RTN4: variants seen among roughly 807,000 people sequenced by gnomAD.
RTN4 encodes the protein reticulon-4.
In RTN4, 32 loss-of-function variants were observed where a neutral mutation model predicts 90.4. The observed-to-expected ratio is 0.35, with a 90% CI of 0.27 to 0.48. The LOEUF is 0.48. Ranked by LOEUF, RTN4 falls within the 20% of genes least tolerant of loss-of-function variation. RTN4 has a pLI of 0.99. For synonymous variants in RTN4, 629 were observed against 552.5 expected, an observed-to-expected ratio of 1.14 and a Z score of -1.94; for missense variants, 1,706 against 1,430.2, an observed-to-expected ratio of 1.19 and a Z score of -3.11.
intron 3 of RTN4, among the ~76,000 whole-genome samples, chr2:55,001,640 C>T (rs1406883956): frequency 6.6e-6 from 1 of 152,182 alleles, no homozygotes; most frequent in African/African-American, 2.4e-5. Context: ...TTCCTATTAA[C>T]ATGAAATTCC....
At chr2:55,122,055 T>A in the RTN4 span, among the ~76,000 whole-genome samples, 2 of 152,000 alleles carry the variant, frequency 1.3e-5, no homozygotes, top group African/African-American at 2.4e-5. Context: ...TGGAGTGCAG[T>A]GGTGTAATCT....
At chr2:55,008,818 G>A (rs1021030741) in intron 3 of RTN4, among the ~76,000 whole-genome samples, 6 of 152,000 alleles carry the variant, frequency 3.9e-5, no homozygotes, top group African/African-American at 1.5e-4. Flanking sequence ...CTACTTTTAA[G>A]GCCTGTATTT....
intron 1 of RTN4, among the ~76,000 whole-genome samples, chr2:55,081,856 C>T (rs1234248176): frequency 1.0e-5 from 1 of 95,860 alleles, no homozygotes; most frequent in Non-Finnish European, 2.0e-5. Context: ...GAGCCAGACC[C>T]TGTCTCAAAA....
chr2:54,972,833 C>T lies in RTN4; in HGVS notation c.*323G>A, dbSNP rs1389943132. 1 of 204,550 alleles carries T rather than the reference C, an allele frequency of 4.9e-6. No homozygotes were observed. The highest frequency in any genetic ancestry group is 9.5e-6 in the Non-Finnish European group (1 of 105,068). 12.7% of individuals were successfully genotyped at this position (204,550 alleles called of 1,614,324 possible). A position where few individuals can be genotyped will look rare whatever the true frequency, so the allele number is the denominator to read the frequency against. On this transcript the variant is annotated 3_prime_UTR_variant, in exon 9 of 9. Coordinates refer to ENST00000337526, the MANE Select transcript of RTN4 (RefSeq NM_020532.5). ...TTTTCTAGCTCCACCATCTCTGCAACTTGCCAAGATGCGGCAAGACTATCT... is the reference window on the plus strand; with the variant it reads ...TTTTCTAGCTCCACCATCTCTGCAATTTGCCAAGATGCGGCAAGACTATCT...
chr2:55,105,912 C>T (rs564737736), intron 1 of RTN4, among the ~76,000 whole-genome samples: 3 of 152,184 alleles, frequency 2.0e-5, no homozygotes, highest in South Asian at 4.2e-4. Flanking sequence ...CCCAGGAGTT[C>T]GAGGCTACAG....
chr2:54,993,074 GGAA>G (rs745926622), intron 3 of RTN4, among the ~76,000 whole-genome samples: 26 of 79,002 alleles, frequency 3.3e-4, no homozygotes, highest in Admixed American at 7.7e-4. Flanking sequence ...ACTCCATCTC[GGAA>G]AAAAAAAAAA....
intron 3 of RTN4, among the ~76,000 whole-genome samples, chr2:55,015,425 C>A (rs1680961608): frequency 6.6e-6 from 1 of 152,018 alleles, no homozygotes; most frequent in African/African-American, 2.4e-5. Context: ...CTGAAAATGT[C>A]CACTGAAATG....
chr2:55,027,911 G>T (rs1682025727), intron 2 of RTN4, among the ~76,000 whole-genome samples: 1 of 152,144 alleles, frequency 6.6e-6, no homozygotes, highest in Non-Finnish European at 1.5e-5. Context: ...TTTGGAGAAA[G>T]GGAATGGTAA....
intron 1 of RTN4, among the ~76,000 whole-genome samples, chr2:55,087,355 T>C (rs2105039643): frequency 6.6e-6 from 1 of 152,358 alleles, no homozygotes; most frequent in African/African-American, 2.4e-5. Context: ...TTTCCAGTTG[T>C]TCCACTCATT....
the RTN4 span, among the ~76,000 whole-genome samples, chr2:55,119,452 G>C: frequency 1.3e-5 from 2 of 152,224 alleles, no homozygotes; most frequent in Non-Finnish European, 2.9e-5. Context: ...TTTAAGAACA[G>C]AGAGCTCGTG....
Position 54,982,505 on chromosome 2 carries a change from A to G in RTN4, c.3360+10T>C. The G allele has an allele frequency of 1.2e-6, 2 of 1,603,618 alleles. No homozygotes were observed. On this transcript the variant is annotated intron_variant, in intron 5 of 8. Transcript: ENST00000337526. ...GGGTATATCAAAAATGAAAGGCAAA[A>G]TAAACTTACCTTCAGAGAATCAACT...
intron 3 of RTN4, among the ~76,000 whole-genome samples, chr2:54,997,561 G>A (rs1298488044): frequency 6.6e-6 from 1 of 152,106 alleles, no homozygotes; most frequent in African/African-American, 2.4e-5. Context: ...GTTCATAGCA[G>A]CATTATTCAT....
chr2:55,061,788 G>C (rs1306933643), intron 2 of RTN4, among the ~76,000 whole-genome samples: 1 of 152,138 alleles, frequency 6.6e-6, no homozygotes, highest in African/African-American at 2.4e-5. Context: ...GGTCCCTGGC[G>C]AGGGCTCCAC....
At chr2:55,103,674 T>C (rs1304333164) in intron 1 of RTN4, among the ~76,000 whole-genome samples, 1 of 152,072 alleles carries the variant, frequency 6.6e-6, no homozygotes, top group African/African-American at 2.4e-5. Context: ...TTCTATACAG[T>C]TGTATACTTT....
chr2:55,011,620 C>T (rs10189094), intron 3 of RTN4, among the ~76,000 whole-genome samples: 1 of 151,962 alleles, frequency 6.6e-6, no homozygotes, highest in Non-Finnish European at 1.5e-5. Context: ...AACCTGCTAT[C>T]TGTGGGCTGC....
intron 3 of RTN4, among the ~76,000 whole-genome samples, chr2:55,011,321 C>G (rs1680625614): frequency 6.6e-6 from 1 of 152,268 alleles, no homozygotes; most frequent in Non-Finnish European, 1.5e-5. Context: ...GCCACCACAC[C>G]TGGCCTAAAA....
At chr2:55,046,530 C>G (rs1343105268) in intron 1 of RTN4, among the ~76,000 whole-genome samples, 1 of 152,148 alleles carries the variant, frequency 6.6e-6, no homozygotes, top group Non-Finnish European at 1.5e-5. Flanking sequence ...CCTAAAAAAG[C>G]CCCCATAAAT....
At chr2:55,034,491 G>C (rs988699247) in intron 1 of RTN4, among the ~76,000 whole-genome samples, 1 of 152,144 alleles carries the variant, frequency 6.6e-6, no homozygotes, top group Non-Finnish European at 1.5e-5. Context: ...AACAGAGTAA[G>C]ACCTTATCTC....
chr2:54,983,582 C>T (rs536895840), intron 4 of RTN4, among the ~76,000 whole-genome samples: 263 of 152,280 alleles, frequency 1.7e-3, no homozygotes, highest in African/African-American at 5.8e-3. Flanking sequence ...AGTTTTACCT[C>T]TGCAACATGC....
Sources: gnomAD v4.1 joint callset for allele counts (sites outside exome capture counted in the v4.1 genomes callset) on GRCh38, gnomAD v4.1.1 for gene constraint, MANE v1.5 for transcripts, NCBI Gene and HGNC (gene_info 2026-07-23, HGNC 2026-07-21) for gene names.